The following CLVS1 variants were observed in gnomAD, a reference collection of about 807,000 sequenced individuals.
CLVS1 encodes clavesin-1.
A neutral mutation model predicts 33.1 loss-of-function variants in CLVS1; 10 were observed. That is an observed-to-expected ratio of 0.30 (90% CI 0.19 to 0.51). The LOEUF (loss-of-function observed/expected upper bound fraction) is 0.51, where lower values mean the gene tolerates loss of function less well. Among genes scored for constraint, CLVS1 ranks in the 20% least tolerant of loss-of-function variants. CLVS1 has a pLI of 0.97. For synonymous variants in CLVS1, 163 were observed against 166.1 expected (o/e 0.98, Z 0.14); for missense variants, 343 against 433.4 (o/e 0.79, Z 1.85).
At chr8:61,229,242 T>C (rs542316124) in intron 2 of CLVS1, among the ~76,000 whole-genome samples, 2 of 152,236 alleles carry the variant, frequency 1.3e-5, no homozygotes, top group African/African-American at 2.4e-5. Context: ...GAAATCTTTA[T>C]TGAGTACCTC....
chr8:61,138,245 G>A (rs1403058593), intron 2 of CLVS1, among the ~76,000 whole-genome samples: 2 of 152,200 alleles, frequency 1.3e-5, no homozygotes, highest in Non-Finnish European at 2.9e-5. Context: ...TGTTAGCTAA[G>A]GAGCCAGTAT....
chr8:61,095,003 G>C (rs1470248982), intron 1 of CLVS1, among the ~76,000 whole-genome samples: 1 of 152,192 alleles, frequency 6.6e-6, no homozygotes, highest in Non-Finnish European at 1.5e-5. Flanking sequence ...TTAGCCATTA[G>C]TTAATACTTT....
chr8:61,466,066 T>A (rs2129607501), intron 5 of CLVS1, among the ~76,000 whole-genome samples: 1 of 152,350 alleles, frequency 6.6e-6, no homozygotes, highest in East Asian at 1.9e-4. Flanking sequence ...CCTCACTTTC[T>A]CCTACCTAAT....
chr8:61,464,282 C>G (rs915981280), intron 5 of CLVS1, among the ~76,000 whole-genome samples: 1 of 152,048 alleles, frequency 6.6e-6, no homozygotes, highest in East Asian at 1.9e-4. Context: ...ACAAAGTATG[C>G]CTATATGTGA....
intron 2 of CLVS1, among the ~76,000 whole-genome samples, chr8:61,251,864 GCTTCTGA>G (rs1485751076): frequency 3.9e-5 from 6 of 152,074 alleles, no homozygotes; most frequent in Admixed American, 2.0e-4. Flanking sequence ...CAAAAAACCA[GCTTCTGA>G]ATTCATTGAT....
intron 1 of CLVS1, among the ~76,000 whole-genome samples, chr8:61,062,922 C>A (rs1804606739): frequency 6.6e-6 from 1 of 152,158 alleles, no homozygotes; most frequent in Non-Finnish European, 1.5e-5. Context: ...GATTGCTATG[C>A]ATTTCCTTTC....
intron 2 of CLVS1, among the ~76,000 whole-genome samples, chr8:61,215,245 G>A (rs1808059111): frequency 6.6e-6 from 1 of 152,106 alleles, no homozygotes; most frequent in Admixed American, 6.5e-5. Context: ...TTATTTTTAA[G>A]CTGTATTAAA....
chr8:61,233,362 A>T (rs1563455697), intron 2 of CLVS1, among the ~76,000 whole-genome samples: 1 of 152,190 alleles, frequency 6.6e-6, no homozygotes, highest in Non-Finnish European at 1.5e-5. Context: ...AGTGAGGTAC[A>T]AACAGGGAAT....
the CLVS1 span, among the ~76,000 whole-genome samples, chr8:61,024,706 A>T: frequency 6.6e-6 from 1 of 152,152 alleles, no homozygotes; most frequent in Non-Finnish European, 1.5e-5. Flanking sequence ...CTTTCCCAGG[A>T]GGACTGTGGT....
At chr8:61,258,099 C>G (rs1006605319) in intron 2 of CLVS1, among the ~76,000 whole-genome samples, 22 of 152,334 alleles carry the variant, frequency 1.4e-4, no homozygotes, top group African/African-American at 5.3e-4. Flanking sequence ...CTTCTCTTCT[C>G]TGCTCCCATG....
intron 1 of CLVS1, among the ~76,000 whole-genome samples, chr8:61,092,585 T>C (rs1315727946): frequency 6.6e-6 from 1 of 152,234 alleles, no homozygotes; most frequent in East Asian, 1.9e-4. Flanking sequence ...TTCTTTCCTT[T>C]TCCAGCCTTG....
intron 2 of CLVS1, among the ~76,000 whole-genome samples, chr8:61,305,108 G>A (rs1293185415): frequency 6.6e-6 from 1 of 152,042 alleles, no homozygotes. Flanking sequence ...TCATAGGTGA[G>A]TACCAGTTGG....
intron 2 of CLVS1, among the ~76,000 whole-genome samples, chr8:61,191,304 G>A (rs1330803926): frequency 6.6e-6 from 1 of 152,060 alleles, no homozygotes; most frequent in Non-Finnish European, 1.5e-5. Flanking sequence ...ATGCAGAAAA[G>A]GCCTTTGACA....
At chr8:61,247,538 C>A (rs1808841509) in intron 2 of CLVS1, among the ~76,000 whole-genome samples, 1 of 152,116 alleles carries the variant, frequency 6.6e-6, no homozygotes, top group Non-Finnish European at 1.5e-5. Context: ...ATTTGCATTT[C>A]TCTAATGATC....
intron 5 of CLVS1, among the ~76,000 whole-genome samples, chr8:61,480,865 A>G (rs915420856): frequency 3.3e-5 from 5 of 152,044 alleles, no homozygotes; most frequent in Non-Finnish European, 7.4e-5. Flanking sequence ...TGTTGGTAGG[A>G]GGGGTAATAA....
intron 1 of CLVS1, among the ~76,000 whole-genome samples, chr8:61,292,678 C>G (rs1261273449): frequency 1.3e-5 from 2 of 152,074 alleles, no homozygotes; most frequent in Admixed American, 1.3e-4. Context: ...GTTGAATAGC[C>G]TACGAAACAT....
At chr8:61,111,272 A>G (rs1244734422) in intron 1 of CLVS1, among the ~76,000 whole-genome samples, 1 of 152,228 alleles carries the variant, frequency 6.6e-6, no homozygotes, top group East Asian at 1.9e-4. Context: ...AAACTATTTT[A>G]TCAGATTATG....
the CLVS1 span, among the ~76,000 whole-genome samples, chr8:61,000,802 C>T: frequency 6.6e-6 from 1 of 152,120 alleles, no homozygotes; most frequent in Non-Finnish European, 1.5e-5. Flanking sequence ...ACTGAACCCT[C>T]CCAGTAGAAC....
chr8:61,218,254 G>T (rs1808134047), intron 2 of CLVS1, among the ~76,000 whole-genome samples: 1 of 152,120 alleles, frequency 6.6e-6, no homozygotes, highest in Admixed American at 6.5e-5. Flanking sequence ...GTCAACCTGG[G>T]TGTCCAAAAA....
Sources: gnomAD v4.1 joint callset for allele counts (sites outside exome capture counted in the v4.1 genomes callset) on GRCh38, gnomAD v4.1.1 for gene constraint, MANE v1.5 for transcripts, NCBI Gene and HGNC (gene_info 2026-07-23, HGNC 2026-07-21) for gene names.